The following ZDHHC6 variants were observed in gnomAD, a reference collection of about 807,000 sequenced individuals.
ZDHHC6 encodes the protein zDHHC palmitoyltransferase 6, also known as palmitoyltransferase ZDHHC6.
In ZDHHC6, 32 loss-of-function variants were observed where a neutral mutation model predicts 57.8. The ratio of observed to expected loss-of-function variants is 0.55; its 90% CI spans 0.42 to 0.74. The LOEUF is 0.74. Among genes scored for constraint, ZDHHC6 ranks in the 30% least tolerant of loss-of-function variants. The pLI, the probability that ZDHHC6 is intolerant of heterozygous loss-of-function variation, is 0.00. For missense variants in ZDHHC6, 433 were observed against 500.7 expected (o/e 0.86, Z 1.29); for synonymous variants, 128 against 158.0 (o/e 0.81, Z 1.42).
At chr10:112,432,330 T>C (rs772271915) in intron 9 of ZDHHC6, 44 bp from the exon 10 acceptor site, 3 of 1,609,126 alleles carry the variant, frequency 1.9e-6, no homozygotes, top group African/African-American at 1.3e-5. Context: ...AGGCTAGATA[T>C]TAATTTTGTC....
chr10:112,424,610 G>A (rs1844600039), exon 12 of ZDHHC6: 1 of 152,228 alleles, frequency 6.6e-6, no homozygotes, highest in Non-Finnish European at 1.5e-5. Context: ...ACGTTAGGCT[G>A]AATTGATGGC....
At chr10:112,447,473 A>G (rs755760485), upstream of ZDHHC6, 1 of 1,612,906 alleles carries the variant, frequency 6.2e-7, no homozygotes, top group South Asian at 1.1e-5. Flanking sequence ...GCCTGGTGAG[A>G]GCCTTGCCCG....
At chr10:112,433,950 T>C (rs1028845315) in intron 7 of ZDHHC6, among the ~76,000 whole-genome samples, 102 of 152,074 alleles carry the variant, frequency 6.7e-4, no homozygotes, top group Non-Finnish European at 8.8e-5. Flanking sequence ...TAATTTTAGA[T>C]AGAGTGGAGG....
At chr10:112,437,840 GA>G (rs1845689815) in intron 6 of ZDHHC6, among the ~76,000 whole-genome samples, 1 of 152,206 alleles carries the variant, frequency 6.6e-6, no homozygotes, top group African/African-American at 2.4e-5. Flanking sequence ...GTGAGGCTCT[GA>G]GAAGTTTTAA....
rs781448197 is a variant in ZDHHC6 at position 112,440,658 on chromosome 10, C to T, written c.557G>A (p.Ser186Asn). 1.2e-6 allele frequency: 2 copies of T among 1,613,720 alleles called. No individual in the cohort carries two copies. Among genetic ancestry groups the T allele is most frequent in the Admixed American group, 1.7e-5 (1 of 59,978 alleles). The change falls in exon 5 of 11, where the codon AGT (serine) becomes AAT (asparagine). Residue 186 changes from serine (S) to asparagine (N), a missense_variant. By Grantham distance (46) the Ser-to-Asn change is conservative. Coordinates refer to ENST00000369405, the MANE Select transcript of ZDHHC6 (RefSeq NM_022494.3). ...FGWNTVKIDM[S>N]AARRDPLPIV... ...TGGAAGAGGATCTCTCCGGGCTGCACTCATGTCGATCTTCACTGTGTTCCA... is the reference window on the plus strand; with the variant it reads ...TGGAAGAGGATCTCTCCGGGCTGCATTCATGTCGATCTTCACTGTGTTCCA...
downstream of ZDHHC6, chr10:112,426,293 TG>T: frequency 6.2e-7 from 1 of 1,614,184 alleles, no homozygotes; most frequent in African/African-American, 1.3e-5. Flanking sequence ...CTGACACAGA[TG>T]TACTTCCCTC....
rs1386001129 is a variant in ZDHHC6, at chr10:112,432,392, C to T, written c.1075G>A (p.Ala359Thr). Residue 359 changes from alanine to threonine, a missense_variant, in exon 9 of 11, where the codon GCC becomes ACC. Physicochemically the swap from Ala to Thr is moderately conservative, Grantham distance 58. Transcript: ENST00000369405. ...IQLQKGEFIL[A>T]TRGLRYWLYG... ...ATTACTTACCGTAAACCTCTTGTGG[C>T]TAAAATGAATTCCCCTTTTTGCAGC... 1.2e-6 allele frequency: 2 copies of T among 1,614,136 alleles called. No individual in the cohort carries two copies. The highest frequency in any genetic ancestry group is 3.3e-5 in the Admixed American group (2 of 60,018).
intron 8 of ZDHHC6, 132 bp from the exon 9 acceptor site, chr10:112,432,653 C>CTAGAAGG: frequency 9.1e-7 from 1 of 1,095,724 alleles, no homozygotes; most frequent in Non-Finnish European, 1.3e-6. Context: ...TCTAGGGGAA[C>CTAGAAGG]CTCCCAGTTC....
downstream of ZDHHC6, among the ~76,000 whole-genome samples, chr10:112,427,013 C>T (rs967542799): frequency 3.3e-5 from 5 of 152,098 alleles, no homozygotes; most frequent in East Asian, 1.9e-4. Flanking sequence ...ACTTGTACAG[C>T]GCCCTTTTTT....
At chr10:112,425,812 G>C (rs896390548), downstream of ZDHHC6, among the ~76,000 whole-genome samples, 2 of 152,048 alleles carry the variant, frequency 1.3e-5, no homozygotes, top group Non-Finnish European at 2.9e-5. Context: ...AGAGCAGTAT[G>C]TATAAAACAA....
At chr10:112,441,454 C>T (rs927152349) in intron 4 of ZDHHC6, among the ~76,000 whole-genome samples, 9 of 152,210 alleles carry the variant, frequency 5.9e-5, no homozygotes, top group African/African-American at 2.2e-4. Context: ...AATATGGCCA[C>T]AGATGTGTGC....
upstream of ZDHHC6, chr10:112,447,074 A>T: frequency 2.5e-6 from 1 of 399,770 alleles, no homozygotes; most frequent in Admixed American, 3.4e-5. Flanking sequence ...ATGATCCCTC[A>T]GAACTTGCAT....
upstream of ZDHHC6, chr10:112,447,027 G>GTAGC: frequency 3.2e-5 from 9 of 280,696 alleles, no homozygotes; most frequent in South Asian, 2.0e-4. Flanking sequence ...ATCCGGAGCC[G>GTAGC]ATTCCCAGAA....
At chr10:112,431,084 A>G (rs1435984064) in intron 10 of ZDHHC6, among the ~76,000 whole-genome samples, 177 bp from the exon 11 acceptor site, 5 of 152,214 alleles carry the variant, frequency 3.3e-5, no homozygotes, top group African/African-American at 1.2e-4. Flanking sequence ...TTAAATGTTC[A>G]TAACAAGCTA....
Position 112,436,287 on chromosome 10 carries a change from C to T in ZDHHC6, c.736-1823G>A, listed in dbSNP as rs890527451. Among the ~76,000 whole-genome samples the T allele has an allele frequency of 8.5e-5, 13 of 152,254 alleles. No individual in the cohort carries two copies. The East Asian group carries it at 1.4e-3, about 16-fold the overall frequency. On this transcript the variant is annotated intron_variant, in intron 6 of 10. Coordinates refer to ENST00000369405, the MANE Select transcript of ZDHHC6 (RefSeq NM_022494.3). ...GTGAGGAGTTTGAGACCAGCCTGGCCAACATGGTGAAAGCCTGTCTCTACT... is the reference window on the plus strand; with the variant it reads ...GTGAGGAGTTTGAGACCAGCCTGGCTAACATGGTGAAAGCCTGTCTCTACT...
chr10:112,445,595 AC>A lies in ZDHHC6; in HGVS notation c.-160del. 1 of 836,198 alleles carries A rather than the reference AC, an allele frequency of 1.2e-6. No homozygotes were observed. Among genetic ancestry groups the A allele is most frequent in the Non-Finnish European group, 1.8e-6 (1 of 558,052 alleles). The allele number at this position is 836,198 out of a possible 1,614,324, so 51.8% of individuals were successfully genotyped here. ...GATTACACCATTTTCACTGTCAGGC[AC>A]CCAAAGCTCTTTATCTTAACTAGGA... On this transcript the variant is annotated 5_prime_UTR_variant, in exon 2 of 11. An upstream open reading frame in the 5' UTR gains an earlier in-frame stop. Transcript: ENST00000369405.
At chr10:112,426,406 T>A, downstream of ZDHHC6, 1 of 1,524,146 alleles carries the variant, frequency 6.6e-7, no homozygotes, top group South Asian at 1.1e-5. Flanking sequence ...GGGCCCATCG[T>A]GGAGGAGAGG....
chr10:112,445,906 G>C (rs963711608), intron 1 of ZDHHC6, among the ~76,000 whole-genome samples: 2 of 152,198 alleles, frequency 1.3e-5, no homozygotes, highest in African/African-American at 4.8e-5. Flanking sequence ...CGCTTGTCAG[G>C]GGACTGTCAC....
rs532067116 is a variant in ZDHHC6, at chr10:112,445,517, G to A, written c.-81C>T. On this transcript the variant is annotated 5_prime_UTR_variant, in exon 2 of 11. Coordinates refer to ENST00000369405, the MANE Select transcript of ZDHHC6 (RefSeq NM_022494.3). ...GTGCGCACATTTCCATGTGCCACAA[G>A]TCCATGTGTGTTCTTTAATTGTCAT... 4 of 1,469,140 alleles carry A rather than the reference G, an allele frequency of 2.7e-6. No homozygotes were observed. In the East Asian group the frequency reaches 6.9e-5, roughly 25 times the overall value. The allele number at this position is 1,469,140 out of a possible 1,614,324, so 91.0% of individuals were successfully genotyped here.
Sources: allele counts gnomAD v4.1 joint callset (sites outside exome capture counted in the v4.1 genomes callset), GRCh38; gene constraint gnomAD v4.1.1; transcripts MANE v1.5; gene names NCBI Gene and HGNC (gene_info 2026-07-23, HGNC 2026-07-21).